Variants in PRLR observed in about 807,000 individuals in gnomAD.
PRLR encodes prolactin receptor.
PRLR carries 13 observed loss-of-function variants against 40.2 expected under a neutral mutation model. That is an observed-to-expected ratio of 0.32 (90% CI 0.21 to 0.51). The LOEUF is 0.51. PRLR is among the 20% of genes least tolerant of loss of function. The pLI is 0.97. For missense variants in PRLR, 656 were observed against 747.3 expected (o/e 0.88, Z 1.42); for synonymous variants, 269 against 278.7 (o/e 0.97, Z 0.35).
chr5:35,148,277 A>T (rs189942067), intron 1 of PRLR, among the ~76,000 whole-genome samples: 1 of 152,200 alleles, frequency 6.6e-6, no homozygotes, highest in Non-Finnish European at 1.5e-5. Flanking sequence ...CAAACCAACA[A>T]TATTCCAACC....
chr5:35,188,921 C>A (rs957606279), intron 1 of PRLR, among the ~76,000 whole-genome samples: 1 of 152,112 alleles, frequency 6.6e-6, no homozygotes, highest in African/African-American at 2.4e-5. Flanking sequence ...TGTGCCCTCC[C>A]ACCCCAAATT....
At chr5:35,108,010 A>T (rs1306835681) in intron 2 of PRLR, among the ~76,000 whole-genome samples, 8 of 152,220 alleles carry the variant, frequency 5.3e-5, no homozygotes, top group African/African-American at 1.4e-4. Flanking sequence ...GCAGCACATC[A>T]AAAAGCTTAT....
chr5:35,169,673 C>T (rs938823509), intron 1 of PRLR, among the ~76,000 whole-genome samples: 1 of 152,158 alleles, frequency 6.6e-6, no homozygotes, highest in Non-Finnish European at 1.5e-5. Context: ...TGGAAGATCT[C>T]CAATTAATTA....
At chr5:35,072,159 A>G (rs1769788161) in intron 6 of PRLR, among the ~76,000 whole-genome samples, 1 of 152,092 alleles carries the variant, frequency 6.6e-6, no homozygotes, top group Non-Finnish European at 1.5e-5. Flanking sequence ...CGGCCTCCCA[A>G]AGTGCTGGGA....
intron 1 of PRLR, among the ~76,000 whole-genome samples, chr5:35,175,756 A>G (rs1239217948): frequency 6.6e-6 from 1 of 152,180 alleles, no homozygotes; most frequent in Non-Finnish European, 1.5e-5. Context: ...AGACTTCACA[A>G]ACTGCCCCCA....
At chr5:35,049,763 C>G (rs1768420594) in intron 8 of PRLR, among the ~76,000 whole-genome samples, 1 of 152,090 alleles carries the variant, frequency 6.6e-6, no homozygotes, top group Admixed American at 6.5e-5. Flanking sequence ...ATTTTCTGTA[C>G]TTGACTAATT....
intron 1 of PRLR, among the ~76,000 whole-genome samples, chr5:35,139,478 A>G (rs1345536673): frequency 6.6e-6 from 1 of 152,226 alleles, no homozygotes; most frequent in East Asian, 1.9e-4. Flanking sequence ...AATTATAAAC[A>G]AAGAAAAAAG....
chr5:35,192,219 G>A (rs575489050), intron 1 of PRLR, among the ~76,000 whole-genome samples: 1 of 152,290 alleles, frequency 6.6e-6, no homozygotes, highest in East Asian at 1.9e-4. Context: ...GAGAATATAT[G>A]AGTGAACGAA....
chr5:35,199,612 TC>T (rs2111601596), intron 1 of PRLR, among the ~76,000 whole-genome samples: 4 of 152,236 alleles, frequency 2.6e-5, no homozygotes, highest in African/African-American at 9.6e-5. Flanking sequence ...AAAATATATT[TC>T]CCCCTTAAGT....
chr5:35,077,240 C>T (rs1770169824), intron 5 of PRLR, among the ~76,000 whole-genome samples: 1 of 152,162 alleles, frequency 6.6e-6, no homozygotes, highest in Admixed American at 6.5e-5. Context: ...AATTAAAAGA[C>T]ACAGACTGGC....
intron 1 of PRLR, among the ~76,000 whole-genome samples, chr5:35,208,974 T>C (rs748656852): frequency 3.3e-5 from 5 of 152,158 alleles, no homozygotes; most frequent in African/African-American, 4.8e-5. Flanking sequence ...CGGAATGTTA[T>C]ACAAGCTTAA....
intron 5 of PRLR, chr5:35,081,442 T>C: frequency 5.3e-6 from 1 of 190,338 alleles, no homozygotes; most frequent in Non-Finnish European, 1.1e-5. Context: ...ACCTGCCATC[T>C]GGATAAACCT....
chr5:35,161,792 G>A (rs536672224), intron 1 of PRLR, among the ~76,000 whole-genome samples: 8 of 152,356 alleles, frequency 5.3e-5, no homozygotes, highest in Middle Eastern at 6.8e-3. Context: ...GATCTGGCTA[G>A]AGCCAGTATG....
At chr5:35,153,525 G>A (rs541320641) in intron 1 of PRLR, among the ~76,000 whole-genome samples, 3 of 152,132 alleles carry the variant, frequency 2.0e-5, no homozygotes, top group Non-Finnish European at 4.4e-5. Context: ...CTGGGCTTTC[G>A]TCAGTGACAC....
chr5:35,183,945 G>A (rs556699405), intron 1 of PRLR, among the ~76,000 whole-genome samples: 2 of 152,168 alleles, frequency 1.3e-5, no homozygotes, highest in African/African-American at 2.4e-5. Context: ...AAGAAACCCT[G>A]TGATAACTTG....
At chr5:35,168,680 A>AG (rs1158968365) in intron 1 of PRLR, among the ~76,000 whole-genome samples, 1 of 152,158 alleles carries the variant, frequency 6.6e-6, no homozygotes, top group Non-Finnish European at 1.5e-5. Flanking sequence ...TCATTCCAAA[A>AG]GGAGCAATGA....
At chr5:35,084,747 G>A (rs949983753) in intron 4 of PRLR, 108 bp from the exon 5 acceptor site, 24 of 1,035,176 alleles carry the variant, frequency 2.3e-5, no homozygotes, top group Middle Eastern at 2.9e-4. Flanking sequence ...AATTCCAAGC[G>A]CAAAACCCAG....
At chr5:35,225,438 G>A (rs1776523903) in intron 1 of PRLR, among the ~76,000 whole-genome samples, 1 of 152,060 alleles carries the variant, frequency 6.6e-6, no homozygotes, top group African/African-American at 2.4e-5. Context: ...CAAGAACAGA[G>A]GAAGAAGTCA....
At chr5:35,146,211 G>C (rs60139817) in intron 1 of PRLR, among the ~76,000 whole-genome samples, 4,947 of 152,262 alleles carry the variant, frequency 0.032, 298 homozygotes, top group African/African-American at 0.11. Flanking sequence ...TGCACTAGCT[G>C]TCAGGGTGGG....
Sources: allele counts gnomAD v4.1 joint callset (sites outside exome capture counted in the v4.1 genomes callset), GRCh38; gene constraint gnomAD v4.1.1; transcripts MANE v1.5; gene names NCBI Gene and HGNC (gene_info 2026-07-23, HGNC 2026-07-21).